XRCC3: variants seen among roughly 807,000 people sequenced by gnomAD.
The protein encoded by XRCC3 is X-ray repair cross complementing 3.
A neutral mutation model predicts 29.2 loss-of-function variants in XRCC3; 34 were observed. That is an observed-to-expected ratio of 1.16 (90% CI 0.88 to 1.55). XRCC3 has a LOEUF of 1.55. Ranked by LOEUF, XRCC3 falls within the 40% of genes most tolerant of loss-of-function variation. The pLI, the probability that XRCC3 is intolerant of heterozygous loss-of-function variation, is 0.00. For synonymous variants in XRCC3, 223 were observed against 211.3 expected (o/e 1.06, Z -0.48); for missense variants, 463 against 467.6 (o/e 0.99, Z 0.09).
chr14:103,712,526 T>C (rs1019071182), intron 2 of XRCC3: 1 of 152,398 alleles, frequency 6.6e-6, no homozygotes, highest in East Asian at 1.9e-4. Flanking sequence ...TTTCAGAACA[T>C]GGGACTCTCC....
chr14:103,709,622 G>A (rs1264356075), intron 4 of XRCC3: 1 of 152,278 alleles, frequency 6.6e-6, no homozygotes, highest in Admixed American at 6.5e-5. Flanking sequence ...CAGATCCAGC[G>A]GAGGGGGCTT....
At position 103,699,579 on chromosome 14, in the gene XRCC3, G is replaced by C; in HGVS notation, c.562-3C>G. 1 of 1,613,144 alleles carries C rather than the reference G, an allele frequency of 6.2e-7. No individual in the cohort carries two copies. The highest frequency in any genetic ancestry group is 8.5e-7 in the Non-Finnish European group (1 of 1,179,848). On this transcript the variant is annotated splice_polypyrimidine_tract_variant and splice_region_variant and intron_variant, in intron 7 of 9. Transcript: ENST00000555055. ...TTCACACACTCCAACAAGGTGTCCTGTGGGGACAGCTGTCATTGTCTATGC... is the reference window on the plus strand; with the variant it reads ...TTCACACACTCCAACAAGGTGTCCTCTGGGGACAGCTGTCATTGTCTATGC...
In XRCC3 at chr14:103,698,633, T is replaced by G; in HGVS notation, c.*165A>C. 1 of 685,620 alleles carries G rather than the reference T, an allele frequency of 1.5e-6. No homozygotes were observed. The highest frequency in any genetic ancestry group is 1.7e-5 in the South Asian group (1 of 57,884). The allele number at this position is 685,620 out of a possible 1,614,324, so 42.5% of individuals were successfully genotyped here. A position where few individuals can be genotyped will look rare whatever the true frequency, so the allele number is the denominator to read the frequency against. ...TCCCCCCAGCTCAGATGGGGGTCAG[T>G]CTGTGGCCACCATCTTCGGATGAGA... On this transcript the variant is annotated 3_prime_UTR_variant, in exon 10 of 10. Transcript: ENST00000555055.
rs149002992 is a variant in XRCC3, at chr14:103,712,363, G to A, written c.-261+512C>T. On this transcript the variant is annotated intron_variant, in intron 2 of 9. Coordinates refer to ENST00000555055, the MANE Select transcript of XRCC3 (RefSeq NM_005432.4). ...GCAGGCCAAGGCAGGGCGGTGGGGC[G>A]CTGAACCAGCTCCAAACTGCTGGCA... 514 of 153,548 alleles carry A rather than the reference G, an allele frequency of 3.3e-3. 3 individuals carry two copies. The highest frequency in any genetic ancestry group is 5.1e-3 in the Non-Finnish European group (352 of 68,980). 9.5% of individuals were successfully genotyped at this position (153,548 alleles called of 1,614,324 possible).
At position 103,711,233 on chromosome 14, in the gene XRCC3, C is replaced by T. The variant is rs1047553801; in HGVS notation, c.-146G>A. Reference sequence around the variant, plus strand: ...ACAGCAGCCGAGGTGTCCGTGTCATCGGGGCTCTGTCACTGAGGGTGGAGG... The same window carrying T: ...ACAGCAGCCGAGGTGTCCGTGTCATTGGGGCTCTGTCACTGAGGGTGGAGG... On this transcript the variant is annotated 5_prime_UTR_variant, in exon 4 of 10. Transcript: ENST00000555055. 2.8e-5 allele frequency: 23 copies of T among 827,260 alleles called. No homozygotes were observed. The highest frequency in any genetic ancestry group is 1.1e-4 in the East Asian group (4 of 37,682). 51.2% of individuals were successfully genotyped at this position (827,260 alleles called of 1,614,324 possible).
rs2083454877 is a variant in XRCC3, at chr14:103,706,900, A to G, written c.406+103T>C. 4 of 1,270,520 alleles carry G rather than the reference A, an allele frequency of 3.1e-6. No individual in the cohort carries two copies. In the South Asian group the frequency reaches 5.1e-5, roughly 16 times the overall value. 78.7% of individuals were successfully genotyped at this position (1,270,520 alleles called of 1,614,324 possible). A position where few individuals can be genotyped will look rare whatever the true frequency, so the allele number is the denominator to read the frequency against. On this transcript the variant is annotated intron_variant, in intron 6 of 9. Coordinates refer to ENST00000555055, the MANE Select transcript of XRCC3 (RefSeq NM_005432.4). ...GAAGGAGGGAGACGCAATGGTAGGAACAGCGCAAGAGGCGGCCACTGCCCC... is the reference window on the plus strand; with the variant it reads ...GAAGGAGGGAGACGCAATGGTAGGAGCAGCGCAAGAGGCGGCCACTGCCCC...
Position 103,711,231 on chromosome 14 carries a change from A to G in XRCC3, c.-144T>C. On this transcript the variant is annotated 5_prime_UTR_variant, in exon 4 of 10. The change abolishes an upstream ATG in the 5' untranslated region. Transcript: ENST00000555055. ...TGACAGCAGCCGAGGTGTCCGTGTC[A>G]TCGGGGCTCTGTCACTGAGGGTGGA... is the stretch of plus-strand genomic sequence containing the variant. 2.4e-6 allele frequency: 2 copies of G among 840,186 alleles called. No individual in the cohort carries two copies. The highest frequency in any genetic ancestry group is 4.0e-6 in the Non-Finnish European group (2 of 503,856). The allele number at this position is 840,186 out of a possible 1,614,324, so 52.0% of individuals were successfully genotyped here.
At chr14:103,711,818 C>T in intron 2 of XRCC3, 1 of 412,596 alleles carries the variant, frequency 2.4e-6, no homozygotes, top group Non-Finnish European at 4.9e-6. Context: ...AGCCTGGGGT[C>T]ACATAAGGCC....
chr14:103,703,495 C>T, intron 6 of XRCC3, 168 bp from the exon 7 acceptor site: 1 of 782,244 alleles, frequency 1.3e-6, no homozygotes, highest in African/African-American at 1.7e-5. Context: ...CACCCTCCCA[C>T]TGGCAGCCAC....
chr14:103,708,489 T>C (rs1567060239), intron 5 of XRCC3, 33 bp downstream of exon 5: 1 of 1,612,634 alleles, frequency 6.2e-7, no homozygotes, highest in Non-Finnish European at 8.5e-7. Context: ...GAGCCACATG[T>C]CACCCCTGGC....
chr14:103,700,689 G>A lies in XRCC3; in HGVS notation c.562-1113C>T, dbSNP rs548689387. The A allele has an allele frequency of 1.7e-5, 28 of 1,606,814 alleles. No homozygotes were observed. The South Asian group carries it at 2.8e-4, about 16-fold the overall frequency. Reference sequence around the variant, plus strand: ...GGCCGAGCCTCTTTTTGTGGAAAACGACAGCAGCAGCAGTGGCCTGGAAGA... The same window carrying A: ...GGCCGAGCCTCTTTTTGTGGAAAACAACAGCAGCAGCAGTGGCCTGGAAGA... On this transcript the variant is annotated intron_variant, in intron 7 of 9. Transcript: ENST00000555055.
Position 103,700,816 on chromosome 14 carries a change from G to A in XRCC3, c.562-1240C>T, listed in dbSNP as rs1277626229. The A allele has an allele frequency of 3.1e-5, 34 of 1,105,502 alleles. No homozygotes were observed. The East Asian group carries it at 4.2e-4, about 14-fold the overall frequency. 68.5% of individuals were successfully genotyped at this position (1,105,502 alleles called of 1,614,324 possible). A position where few individuals can be genotyped will look rare whatever the true frequency, so the allele number is the denominator to read the frequency against. On this transcript the variant is annotated intron_variant, in intron 7 of 9. Coordinates refer to ENST00000555055, the MANE Select transcript of XRCC3 (RefSeq NM_005432.4). ...GCAGGGACTGGGGGGAGCTGGGGATGGGCAAGTGGTGACTGCTGCTAGCTG... is the reference window on the plus strand; with the variant it reads ...GCAGGGACTGGGGGGAGCTGGGGATAGGCAAGTGGTGACTGCTGCTAGCTG...
chr14:103,707,531 A>C, intron 5 of XRCC3: 1 of 466,952 alleles, frequency 2.1e-6, no homozygotes, highest in Non-Finnish European at 4.0e-6. Context: ...GCTCCCTAAC[A>C]GCCTCCATGT....
rs1381378319 is a variant in XRCC3 at position 103,711,216 on chromosome 14, C to T, written c.-129G>A. On this transcript the variant is annotated 5_prime_UTR_variant, in exon 4 of 10. Transcript: ENST00000555055. ...CCCGAACCAGGGAAGTGACAGCAGC[C>T]GAGGTGTCCGTGTCATCGGGGCTCT... is the stretch of plus-strand genomic sequence containing the variant. 21 of 966,400 alleles carry T rather than the reference C, an allele frequency of 2.2e-5. No individual in the cohort carries two copies. In the Middle Eastern group the frequency reaches 6.1e-4, roughly 28 times the overall value. The allele number at this position is 966,400 out of a possible 1,614,324, so 59.9% of individuals were successfully genotyped here.
intron 4 of XRCC3, 129 bp downstream of exon 4, chr14:103,710,903 TC>T (rs2083604335): frequency 8.5e-6 from 7 of 822,578 alleles, no homozygotes; most frequent in South Asian, 6.0e-5. Context: ...CCATAGTACA[TC>T]CCGCCCTCGG....
chr14:103,709,696 G>C (rs2083558308), intron 4 of XRCC3: 1 of 152,396 alleles, frequency 6.6e-6, no homozygotes, highest in African/African-American at 2.4e-5. Flanking sequence ...TCGGGGCTGT[G>C]GCAGGGCGCT....
chr14:103,701,494 G>A (rs544128624), intron 7 of XRCC3: 2 of 409,144 alleles, frequency 4.9e-6, no homozygotes, highest in South Asian at 8.1e-5. Context: ...CGTTGTGTGC[G>A]ATAACGTATT....
intron 6 of XRCC3, chr14:103,704,004 A>C (rs861532): frequency 0.94 from 145,320 of 154,848 alleles, 68,389 homozygotes; most frequent in East Asian, 0.98. Context: ...CAAGAGAAAG[A>C]ACGTCCACCG....
chr14:103,703,622 T>G (rs2083319845), intron 6 of XRCC3: 1 of 447,392 alleles, frequency 2.2e-6, no homozygotes, highest in Admixed American at 3.5e-5. Flanking sequence ...ATGGGAGGCC[T>G]CTCCTGCTCC....
Sources: gnomAD v4.1 joint callset for allele counts on GRCh38, gnomAD v4.1.1 for gene constraint, MANE v1.5 for transcripts, NCBI Gene and HGNC (gene_info 2026-07-23, HGNC 2026-07-21) for gene names.